CCDC178: variants seen among roughly 807,000 people sequenced by gnomAD.
CCDC178 encodes coiled-coil domain containing 178.
In CCDC178, 126 loss-of-function variants were observed where a neutral mutation model predicts 117.4. The ratio of observed to expected loss-of-function variants is 1.07; its 90% CI spans 0.93 to 1.24. The LOEUF (loss-of-function observed/expected upper bound fraction) is 1.24, where lower values mean the gene tolerates loss of function less well. CCDC178 is among the 50% of genes most tolerant of loss of function. The pLI is 0.00. For missense variants in CCDC178, 1,030 were observed against 986.9 expected, an observed-to-expected ratio of 1.04 and a Z score of -0.59; for synonymous variants, 283 against 313.4, an observed-to-expected ratio of 0.90 and a Z score of 1.02.
intron 18 of CCDC178, among the ~76,000 whole-genome samples, chr18:33,221,865 A>T (rs1311862744): frequency 6.6e-6 from 1 of 152,120 alleles, no homozygotes; most frequent in Non-Finnish European, 1.5e-5. Context: ...CTAAGTGAAG[A>T]TGCTTTCTAA....
At chr18:33,416,006 G>A (rs796091766) in intron 2 of CCDC178, among the ~76,000 whole-genome samples, 6 of 152,256 alleles carry the variant, frequency 3.9e-5, no homozygotes, top group African/African-American at 1.4e-4. Flanking sequence ...AAATGCCAAT[G>A]GGTATAGACA....
intron 20 of CCDC178, among the ~76,000 whole-genome samples, chr18:33,194,652 A>G (rs2058903316): frequency 6.6e-6 from 1 of 152,100 alleles, no homozygotes; most frequent in Non-Finnish European, 1.5e-5. Flanking sequence ...GCTTTCTATG[A>G]TGAAATCTTT....
chr18:33,224,937 C>A lies in CCDC178; in HGVS notation c.1657-1G>T, dbSNP rs2059285395. On this transcript the variant is annotated splice_acceptor_variant, in intron 16 of 22. Coordinates refer to ENST00000383096, the MANE Select transcript of CCDC178 (RefSeq NM_001105528.4). LOFTEE classifies it high-confidence loss of function. ...CTTCGTAAATGGAATATAGTTTTTT[C>A]TGCCAGCAAAGATTTTAAATAAATC... The A allele has an allele frequency of 1.4e-6, 2 of 1,468,472 alleles. No individual in the cohort carries two copies. Among genetic ancestry groups the A allele is most frequent in the Admixed American group, 2.5e-5 (1 of 40,438 alleles). 91.0% of individuals were successfully genotyped at this position (1,468,472 alleles called of 1,614,324 possible). A position where few individuals can be genotyped will look rare whatever the true frequency, so the allele number is the denominator to read the frequency against.
At chr18:33,063,289 G>A (rs1285510325) in intron 21 of CCDC178, among the ~76,000 whole-genome samples, 1 of 152,106 alleles carries the variant, frequency 6.6e-6, no homozygotes, top group Non-Finnish European at 1.5e-5. Flanking sequence ...CATGTCATCT[G>A]GGGGTTTGGA....
chr18:33,396,647 T>C (rs1388075047), intron 4 of CCDC178, among the ~76,000 whole-genome samples: 2 of 152,146 alleles, frequency 1.3e-5, no homozygotes, highest in Non-Finnish European at 2.9e-5. Context: ...ATTAACTCAG[T>C]TTAATTTCAA....
At chr18:33,127,015 T>TACACAC (rs199745115) in intron 20 of CCDC178, among the ~76,000 whole-genome samples, 4 of 142,390 alleles carry the variant, frequency 2.8e-5, no homozygotes, top group African/African-American at 2.7e-5. Flanking sequence ...TATATATATA[T>TACACAC]ACACACACAC....
At chr18:32,946,079 G>C (rs746123205) in intron 22 of CCDC178, among the ~76,000 whole-genome samples, 4 of 152,104 alleles carry the variant, frequency 2.6e-5, no homozygotes, top group African/African-American at 7.2e-5. Context: ...TAGGCATCAA[G>C]AAAAATCTCG....
chr18:33,033,773 A>G (rs773942635), intron 21 of CCDC178, among the ~76,000 whole-genome samples: 7 of 151,870 alleles, frequency 4.6e-5, no homozygotes, highest in Non-Finnish European at 1.0e-4. Context: ...CAAGAATTAC[A>G]ATGTCATTTT....
At chr18:33,150,336 T>A (rs1568019265) in intron 20 of CCDC178, among the ~76,000 whole-genome samples, 2 of 152,018 alleles carry the variant, frequency 1.3e-5, no homozygotes, top group African/African-American at 4.8e-5. Context: ...GGCAAATAAT[T>A]CATGACTAAG....
intron 20 of CCDC178, among the ~76,000 whole-genome samples, chr18:33,180,086 A>G (rs1469707820): frequency 6.6e-6 from 1 of 151,946 alleles, no homozygotes; most frequent in African/African-American, 2.4e-5. Flanking sequence ...ACGTACATTA[A>G]ATTTTTATTA....
intron 7 of CCDC178, among the ~76,000 whole-genome samples, chr18:33,353,707 G>C (rs2063010971): frequency 6.6e-6 from 1 of 151,474 alleles, no homozygotes; most frequent in Non-Finnish European, 1.5e-5. Flanking sequence ...TTCTCTTATG[G>C]TGTCAATTTC....
At chr18:33,038,049 A>G (rs2056477588) in intron 21 of CCDC178, among the ~76,000 whole-genome samples, 1 of 151,958 alleles carries the variant, frequency 6.6e-6, no homozygotes, top group Admixed American at 6.6e-5. Context: ...GATTGATCAG[A>G]AAAACACACC....
intron 21 of CCDC178, among the ~76,000 whole-genome samples, chr18:33,089,506 G>T (rs995080700): frequency 1.3e-5 from 2 of 152,224 alleles, no homozygotes; most frequent in East Asian, 3.9e-4. Context: ...TATTTGTTAC[G>T]TGTTGGCTGA....
At chr18:33,420,785 AAC>A (rs1375552673) in intron 2 of CCDC178, among the ~76,000 whole-genome samples, 2 of 152,210 alleles carry the variant, frequency 1.3e-5, no homozygotes, top group African/African-American at 4.8e-5. Flanking sequence ...AAATTAAAAT[AAC>A]AGTTAAAAAA....
intron 15 of CCDC178, among the ~76,000 whole-genome samples, chr18:33,237,167 C>A (rs186621802): frequency 6.6e-6 from 1 of 152,104 alleles, no homozygotes; most frequent in Non-Finnish European, 1.5e-5. Flanking sequence ...GCAGCAATGG[C>A]GCTCCATCTT....
intron 21 of CCDC178, among the ~76,000 whole-genome samples, chr18:32,986,925 T>TTTAAA (rs1645707091): frequency 6.6e-6 from 1 of 151,818 alleles, no homozygotes; most frequent in Non-Finnish European, 1.5e-5. Context: ...TCAAGTATAT[T>TTTAAA]TTAAATTAAA....
chr18:33,406,543 T>G (rs1210074345), intron 3 of CCDC178, among the ~76,000 whole-genome samples: 1 of 151,924 alleles, frequency 6.6e-6, no homozygotes, highest in Non-Finnish European at 1.5e-5. Context: ...CTACCAAAAG[T>G]AGGTAGATTA....
At chr18:33,249,305 C>T (rs1228513510) in intron 14 of CCDC178, among the ~76,000 whole-genome samples, 2 of 152,080 alleles carry the variant, frequency 1.3e-5, no homozygotes, top group East Asian at 3.9e-4. Flanking sequence ...GCTTTTGTTG[C>T]CATTGCTTTT....
intron 2 of CCDC178, among the ~76,000 whole-genome samples, chr18:33,413,946 C>T (rs2063896253): frequency 6.6e-6 from 1 of 152,062 alleles, no homozygotes; most frequent in Non-Finnish European, 1.5e-5. Context: ...CCGGGTAATT[C>T]CAAATCTCAG....
Sources: gnomAD v4.1 joint callset for allele counts (sites outside exome capture counted in the v4.1 genomes callset) on GRCh38, gnomAD v4.1.1 for gene constraint, MANE v1.5 for transcripts, NCBI Gene and HGNC (gene_info 2026-07-23, HGNC 2026-07-21) for gene names.